Variants in PRICKLE1 observed in about 807,000 individuals in gnomAD.
PRICKLE1 encodes the protein prickle planar cell polarity protein 1, also known as prickle-like protein 1.
PRICKLE1 carries 14 observed loss-of-function variants against 70.2 expected under a neutral mutation model. The ratio of observed to expected loss-of-function variants is 0.20; its 90% CI spans 0.13 to 0.31. The LOEUF (loss-of-function observed/expected upper bound fraction) is 0.31. PRICKLE1 is among the 10% of genes least tolerant of loss of function. PRICKLE1 has a pLI of 1.00. For synonymous variants in PRICKLE1, 357 were observed against 379.9 expected (o/e 0.94, Z 0.70); for missense variants, 821 against 1,026.2 (o/e 0.80, Z 2.73).
chr12:42,560,765 TTC>T lies in PRICKLE1; in HGVS notation c.-49+28698_-49+28699del, dbSNP rs1491312911. On this transcript the variant is annotated intron_variant, in intron 1 of 7. Coordinates refer to ENST00000345127, the MANE Select transcript of PRICKLE1 (RefSeq NM_153026.3). ...AAGCTTGGCAGGTCAAAAGCCCATC[TTC>T]TCACACACACACACACACACACACA... 7.4e-3 allele frequency among the ~76,000 whole-genome samples: 595 copies of T among 80,474 alleles called. 3 individuals are homozygous for T. The highest frequency in any genetic ancestry group is 0.038 in the African/African-American group (563 of 14,848). 52.8% of individuals were successfully genotyped at this position (80,474 alleles called of 152,430 possible).
At chr12:42,511,546 GT>G (rs1244366666) in intron 1 of PRICKLE1, among the ~76,000 whole-genome samples, 1 of 152,136 alleles carries the variant, frequency 6.6e-6, no homozygotes, top group Non-Finnish European at 1.5e-5. Flanking sequence ...CATTGGCCTT[GT>G]TTGTTTAACT....
chr12:42,530,548 A>AT (rs1360944063), intron 1 of PRICKLE1, among the ~76,000 whole-genome samples: 4 of 152,092 alleles, frequency 2.6e-5, no homozygotes, highest in African/African-American at 4.8e-5. Context: ...GGTTCCCAAC[A>AT]TTTTTTCTAT....
At chr12:42,482,531 T>C (rs1000046355) in intron 1 of PRICKLE1, among the ~76,000 whole-genome samples, 1 of 152,214 alleles carries the variant, frequency 6.6e-6, no homozygotes, top group Non-Finnish European at 1.5e-5. Flanking sequence ...GACTCCAATG[T>C]ACACACAGAC....
intron 1 of PRICKLE1, among the ~76,000 whole-genome samples, chr12:42,507,302 G>GA (rs1408779735): frequency 6.6e-6 from 1 of 152,134 alleles, no homozygotes; most frequent in Non-Finnish European, 1.5e-5. Flanking sequence ...GATAGTTACT[G>GA]AAAATACTAA....
At chr12:42,571,579 G>A (rs1206780710) in intron 1 of PRICKLE1, among the ~76,000 whole-genome samples, 1 of 152,150 alleles carries the variant, frequency 6.6e-6, no homozygotes. Context: ...AAAGCAGCAG[G>A]GATTGTGATG....
chr12:42,466,004 G>A (rs1938081413), intron 6 of PRICKLE1, 190 bp downstream of exon 6: 1 of 663,872 alleles, frequency 1.5e-6, no homozygotes. Context: ...CACAACTACT[G>A]CAAGTAACAA....
At chr12:42,502,311 CTTTT>C (rs1397993559) in intron 1 of PRICKLE1, among the ~76,000 whole-genome samples, 32 of 120,334 alleles carry the variant, frequency 2.7e-4, no homozygotes, top group African/African-American at 8.1e-4. Flanking sequence ...CTTTTCTTTT[CTTTT>C]CTTTTTTTTT....
At chr12:42,585,500 T>G (rs1312221775) in intron 1 of PRICKLE1, among the ~76,000 whole-genome samples, 1 of 152,150 alleles carries the variant, frequency 6.6e-6, no homozygotes, top group African/African-American at 2.4e-5. Context: ...CTGGAAATAG[T>G]CAATGCCAGT....
Position 42,582,983 on chromosome 12 carries a change from C to T in PRICKLE1, c.-49+6482G>A, listed in dbSNP as rs376281505. On this transcript the variant is annotated intron_variant, in intron 1 of 7. Transcript: ENST00000345127. ...ATTAGGAACTTAGATTATTCATGCACGTAAATAGGATAGTTGGAAGTATCA... is the reference window on the plus strand; with the variant it reads ...ATTAGGAACTTAGATTATTCATGCATGTAAATAGGATAGTTGGAAGTATCA... Among the ~76,000 whole-genome samples the T allele has an allele frequency of 4.6e-5, 7 of 152,138 alleles. 1 individual carries two copies. Among genetic ancestry groups the T allele is most frequent in the Admixed American group, 2.0e-4 (3 of 15,282 alleles).
intron 1 of PRICKLE1, among the ~76,000 whole-genome samples, chr12:42,559,140 A>C (rs1940458723): frequency 6.6e-6 from 1 of 152,224 alleles, no homozygotes; most frequent in African/African-American, 2.4e-5. Flanking sequence ...CAGAATTCCT[A>C]CAAAGAAATC....
intron 1 of PRICKLE1, among the ~76,000 whole-genome samples, chr12:42,486,134 C>T (rs1365035156): frequency 1.3e-5 from 2 of 152,216 alleles, no homozygotes; most frequent in Non-Finnish European, 2.9e-5. Context: ...GGCTTGGTTC[C>T]CTCGCTCCAT....
chr12:42,478,975 T>G (rs1938686849), intron 1 of PRICKLE1, among the ~76,000 whole-genome samples: 1 of 152,230 alleles, frequency 6.6e-6, no homozygotes, highest in South Asian at 2.1e-4. Context: ...TCTGATGCTC[T>G]CAGCATTCAG....
At chr12:42,482,265 C>T (rs1395307162) in intron 1 of PRICKLE1, among the ~76,000 whole-genome samples, 2 of 152,236 alleles carry the variant, frequency 1.3e-5, no homozygotes, top group East Asian at 3.8e-4. Flanking sequence ...AAGGAGGAAA[C>T]ATGACGACAA....
intron 1 of PRICKLE1, among the ~76,000 whole-genome samples, chr12:42,506,001 G>T (rs2600906): frequency 0.17 from 26,400 of 152,068 alleles, 3,047 homozygotes; most frequent in African/African-American, 0.31. Context: ...AAGTGGTAAC[G>T]TTGTGGAATA....
intron 1 of PRICKLE1, among the ~76,000 whole-genome samples, chr12:42,507,461 C>G (rs1013421700): frequency 6.6e-6 from 1 of 152,256 alleles, no homozygotes; most frequent in Non-Finnish European, 1.5e-5. Flanking sequence ...AAAGTGACCA[C>G]TGACAAATGA....
intron 5 of PRICKLE1, among the ~76,000 whole-genome samples, chr12:42,467,558 T>C (rs1938148916): frequency 6.6e-6 from 1 of 151,358 alleles, no homozygotes; most frequent in Non-Finnish European, 1.5e-5. Context: ...CTGGCCAACA[T>C]GGTGAAGCCC....
intron 1 of PRICKLE1, among the ~76,000 whole-genome samples, chr12:42,512,578 C>T (rs930733881): frequency 1.3e-5 from 2 of 152,170 alleles, no homozygotes; most frequent in African/African-American, 4.8e-5. Flanking sequence ...CTCCCTATTC[C>T]ACATTCTTCA....
chr12:42,560,710 C>A (rs558694007), intron 1 of PRICKLE1, among the ~76,000 whole-genome samples: 1 of 150,744 alleles, frequency 6.6e-6, no homozygotes, highest in South Asian at 2.1e-4. Flanking sequence ...GGTGGATGTG[C>A]ATCTAATTCT....
rs543101957 is a variant in PRICKLE1 at position 42,523,137 on chromosome 12, T to G, written c.-48-50573A>C. Among the ~76,000 whole-genome samples, 4 of 152,230 alleles carry G rather than the reference T, an allele frequency of 2.6e-5. No individual in the cohort carries two copies. In the East Asian group the frequency reaches 7.7e-4, roughly 29 times the overall value. ...CCACCATGCCAGGCTAATTTTTTTGTATTTTATTTTTAGTAGAGACGGGGT... is the reference window on the plus strand; with the variant it reads ...CCACCATGCCAGGCTAATTTTTTTGGATTTTATTTTTAGTAGAGACGGGGT... On this transcript the variant is annotated intron_variant, in intron 1 of 7. Coordinates refer to ENST00000345127, the MANE Select transcript of PRICKLE1 (RefSeq NM_153026.3).
Sources: allele counts gnomAD v4.1 joint callset (sites outside exome capture counted in the v4.1 genomes callset), GRCh38; gene constraint gnomAD v4.1.1; transcripts MANE v1.5; gene names NCBI Gene and HGNC (gene_info 2026-07-23, HGNC 2026-07-21).